Variants in SNX27 observed in about 807,000 individuals in gnomAD.
The protein encoded by SNX27 is sorting nexin 27, also known as sorting nexin-27.
SNX27 carries 22 observed loss-of-function variants against 71.6 expected under a neutral mutation model. The observed-to-expected ratio is 0.31, with a 90% CI of 0.22 to 0.44. The LOEUF is 0.44. Among genes scored for constraint, SNX27 ranks in the 20% least tolerant of loss-of-function variants. The pLI is 1.00. For synonymous variants in SNX27, 269 were observed against 277.2 expected, an observed-to-expected ratio of 0.97 and a Z score of 0.29; for missense variants, 531 against 698.6, an observed-to-expected ratio of 0.76 and a Z score of 2.70.
intron 6 of SNX27, among the ~76,000 whole-genome samples, chr1:151,667,850 A>G (rs1670279900): frequency 1.4e-5 from 2 of 148,144 alleles, no homozygotes; most frequent in South Asian, 2.1e-4. Context: ...AAAAAAAAAA[A>G]AGATGTTTAG....
intron 5 of SNX27, among the ~76,000 whole-genome samples, chr1:151,663,772 A>G (rs1670066207): frequency 6.6e-6 from 1 of 152,166 alleles, no homozygotes; most frequent in Admixed American, 6.5e-5. Context: ...TTTTAGTGGT[A>G]CTGAGGTTAA....
chr1:151,693,716 A>G, intron 11 of SNX27: 5 of 1,605,076 alleles, frequency 3.1e-6, no homozygotes, highest in South Asian at 1.1e-5. Context: ...GAGGGTGGAC[A>G]TTGGCTACAG....
At chr1:151,653,378 T>C (rs1033308532) in intron 2 of SNX27, among the ~76,000 whole-genome samples, 1 of 152,210 alleles carries the variant, frequency 6.6e-6, no homozygotes, top group African/African-American at 2.4e-5. Context: ...TGTTAGGGAA[T>C]GTAGTCAGTT....
At position 151,612,194 on chromosome 1, in the gene SNX27, C is replaced by T; in HGVS notation, c.-8C>T. 1 of 1,338,294 alleles carries T rather than the reference C, an allele frequency of 7.5e-7. No homozygotes were observed. The highest frequency in any genetic ancestry group is 2.4e-4 in the Middle Eastern group (1 of 4,230). The allele number at this position is 1,338,294 out of a possible 1,614,324, so 82.9% of individuals were successfully genotyped here. A position where few individuals can be genotyped will look rare whatever the true frequency, so the allele number is the denominator to read the frequency against. On this transcript the variant is annotated 5_prime_UTR_variant, in exon 1 of 12. Transcript: ENST00000458013. The surrounding 1 kb of genome is among the most constrained non-coding windows in gnomAD (Gnocchi z 5.2). ...AGGGGGCGGGGGTACGGCTCGCCTG[C>T]TCGCAAGATGGCGGACGAGGACGGG...
chr1:151,679,090 A>G (rs1412410088), intron 7 of SNX27: 1 of 152,210 alleles, frequency 6.6e-6, no homozygotes, highest in African/African-American at 2.4e-5. Context: ...TTTGAAAAGT[A>G]TATTAAATTT....
chr1:151,632,696 A>G (rs996713754), intron 1 of SNX27, among the ~76,000 whole-genome samples: 1 of 152,158 alleles, frequency 6.6e-6, no homozygotes, highest in Non-Finnish European at 1.5e-5. Context: ...TTTATGCTGC[A>G]GATATGTACA....
chr1:151,666,996 A>G (rs1489082078), intron 6 of SNX27: 1 of 152,192 alleles, frequency 6.6e-6, no homozygotes, highest in Non-Finnish European at 1.5e-5. Flanking sequence ...GAGAGGAAGT[A>G]ATCTCAGCAG....
chr1:151,628,868 A>G (rs1193520150), intron 1 of SNX27, among the ~76,000 whole-genome samples: 1 of 152,114 alleles, frequency 6.6e-6, no homozygotes, highest in East Asian at 1.9e-4. Context: ...CTCTTTGTAT[A>G]TTTTGGATAC....
At chr1:151,674,867 T>C (rs1670605937) in intron 7 of SNX27, among the ~76,000 whole-genome samples, 1 of 152,022 alleles carries the variant, frequency 6.6e-6, no homozygotes, top group Admixed American at 6.5e-5. Flanking sequence ...TTGTATTTTT[T>C]AGTAGAGACG....
chr1:151,654,859 G>GATCCCACTTCTTAATACACTTCGTA (rs1301607380), intron 2 of SNX27, among the ~76,000 whole-genome samples: 1 of 152,106 alleles, frequency 6.6e-6, no homozygotes, highest in African/African-American at 2.4e-5. Flanking sequence ...ACCTCTTAAA[G>GATCCCACTTCTTAATACACTTCGTA]ATCCCACTTC....
At chr1:151,654,876 C>T (rs956044561) in intron 2 of SNX27, among the ~76,000 whole-genome samples, 9 of 152,176 alleles carry the variant, frequency 5.9e-5, no homozygotes, top group African/African-American at 2.2e-4. Flanking sequence ...CTTCTTAATA[C>T]ACTTCGTAAT....
intron 5 of SNX27, among the ~76,000 whole-genome samples, chr1:151,665,182 C>T (rs1443020020): frequency 6.6e-6 from 1 of 152,092 alleles, no homozygotes; most frequent in East Asian, 1.9e-4. Flanking sequence ...TTGTTACTAC[C>T]AGTTTATGTT....
intron 11 of SNX27, chr1:151,694,079 A>G (rs1671589018): frequency 8.1e-7 from 1 of 1,240,598 alleles, no homozygotes. Context: ...TGGGAATTTT[A>G]TCTGGGTTTT....
At chr1:151,621,413 C>A (rs369038347) in intron 1 of SNX27, among the ~76,000 whole-genome samples, 1 of 152,280 alleles carries the variant, frequency 6.6e-6, no homozygotes, top group African/African-American at 2.4e-5. Context: ...TCCACTGATA[C>A]GAAAACATCT....
rs1206043806 is a variant in SNX27, at chr1:151,692,974, G to A, written c.1453G>A (p.Ala485Thr). 1.2e-6 allele frequency: 2 copies of A among 1,613,902 alleles called. No individual in the cohort carries two copies. Among genetic ancestry groups the A allele is most frequent in the African/African-American group, 1.3e-5 (1 of 74,904 alleles). ...QRWDTDEEGM[A>T]FCFEYARGEK... is the part of the protein sequence containing the mutation. ...ATGGGACACAGATGAAGAAGGGATG[G>A]CCTTCTGTTTCGAATATGCACGAGG... The change falls in exon 10 of 12, where the codon GCC (alanine) becomes ACC (threonine). Residue 485 changes from alanine to threonine, a missense_variant. Physicochemically the swap from Ala to Thr is moderately conservative, Grantham distance 58. Transcript: ENST00000458013.
At chr1:151,622,848 G>A (rs980157958) in intron 1 of SNX27, among the ~76,000 whole-genome samples, 8 of 152,214 alleles carry the variant, frequency 5.3e-5, no homozygotes, top group African/African-American at 1.9e-4. Context: ...GAGTGTAGTG[G>A]TGCGATCACA....
chr1:151,651,223 G>A (rs1339726714), intron 2 of SNX27, among the ~76,000 whole-genome samples: 2 of 149,720 alleles, frequency 1.3e-5, no homozygotes, highest in South Asian at 2.1e-4. Flanking sequence ...GGCTGGCCGG[G>A]CGGGGGGCTG....
chr1:151,662,227 C>T lies in SNX27; in HGVS notation c.863C>T (p.Thr288Ile), dbSNP rs1669994307. ...RVALPDGTTV[T>I]VRVKKNSTTD... ...GCATTACCAGATGGAACAACGGTTA[C>T]AGTCAGGGTTAAAAAGAACAGTACT... is the stretch of plus-strand genomic sequence containing the variant. Residue 288 changes from threonine (T) to isoleucine (I), a missense_variant, in exon 5 of 12, where the codon ACA (threonine) becomes ATA (isoleucine). Around this residue, in one of 5 missense-constraint regions of SNX27, gnomAD observed 184 missense variants for 289.6 expected, o/e 0.64. Coordinates refer to ENST00000458013, the MANE Select transcript of SNX27 (RefSeq NM_001330723.2). The T allele has an allele frequency of 2.5e-6, 4 of 1,613,452 alleles. No individual in the cohort carries two copies. The highest frequency in any genetic ancestry group is 3.4e-6 in the Non-Finnish European group (4 of 1,179,664).
rs530095191 is a variant in SNX27 at position 151,623,272 on chromosome 1, C to G, written c.311+10760C>G. On this transcript the variant is annotated intron_variant, in intron 1 of 11. Coordinates refer to ENST00000458013, the MANE Select transcript of SNX27 (RefSeq NM_001330723.2). ...TCTCCTGACTCAGCCTCCCGAGTAG[C>G]TGGGACTACAGGTGCGGGCCACCAT... is the stretch of plus-strand genomic sequence containing the variant. Among the ~76,000 whole-genome samples, 4 of 152,330 alleles carry G rather than the reference C, an allele frequency of 2.6e-5. No homozygotes were observed. The East Asian group carries it at 7.7e-4, about 29-fold the overall frequency.
Sources: allele counts gnomAD v4.1 joint callset (sites outside exome capture counted in the v4.1 genomes callset), GRCh38; gene constraint gnomAD v4.1.1; regional missense constraint gnomAD v4.1.1; non-coding constraint Gnocchi (gnomAD v3.1); transcripts MANE v1.5; gene names NCBI Gene and HGNC (gene_info 2026-07-23, HGNC 2026-07-21).